SLC38A1: variants seen among roughly 807,000 people sequenced by gnomAD.
The protein encoded by SLC38A1 is sodium-coupled neutral amino acid symporter 1.
SLC38A1 carries 18 observed loss-of-function variants against 60.3 expected under a neutral mutation model. The ratio of observed to expected loss-of-function variants is 0.30; its 90% CI spans 0.21 to 0.44. The LOEUF (loss-of-function observed/expected upper bound fraction) is 0.44. Ranked by LOEUF, SLC38A1 falls within the 20% of genes least tolerant of loss-of-function variation. The probability of loss-of-function intolerance (pLI) is 1.00; values close to 1 mark genes in which losing one functional copy is unlikely to be tolerated. For missense variants in SLC38A1, 448 were observed against 587.2 expected, an observed-to-expected ratio of 0.76 and a Z score of 2.45; for synonymous variants, 196 against 212.1, an observed-to-expected ratio of 0.92 and a Z score of 0.66.
chr12:46,234,914 T>C (rs1941207065), intron 3 of SLC38A1, among the ~76,000 whole-genome samples: 1 of 152,162 alleles, frequency 6.6e-6, no homozygotes, highest in Non-Finnish European at 1.5e-5. Context: ...TGACTTTAAA[T>C]ATGCTATGGA....
At chr12:46,266,101 G>A (rs935597482) in intron 1 of SLC38A1, among the ~76,000 whole-genome samples, 1 of 152,138 alleles carries the variant, frequency 6.6e-6, no homozygotes, top group African/African-American at 2.4e-5. Flanking sequence ...GAACGGAAGG[G>A]ATGGCCAATA....
In SLC38A1 at chr12:46,197,982, A is replaced by G. The variant is rs377483452; in HGVS notation, c.1201T>C (p.Leu401=). Residue 401 remains leucine, a synonymous_variant, in exon 15 of 17, where the codon TTG becomes CTG. Transcript: ENST00000398637. Reference sequence around the variant, plus strand: ...ATCACCAACAAGTTGATAACAACCAAGAGTATGCAGGTAACCACGGTATGA... The same window carrying G: ...ATCACCAACAAGTTGATAACAACCAGGAGTATGCAGGTAACCACGGTATGA... ...CRHTVVTCIL[L]VVINLLVIFI... 5.0e-6 allele frequency: 8 copies of G among 1,613,956 alleles called. No individual in the cohort carries two copies. The African/African-American group carries it at 1.1e-4, about 22-fold the overall frequency.
At chr12:46,231,391 T>C (rs541002404) in intron 3 of SLC38A1, among the ~76,000 whole-genome samples, 1 of 152,336 alleles carries the variant, frequency 6.6e-6, no homozygotes, top group South Asian at 2.1e-4. Flanking sequence ...GTATTATATT[T>C]GTGTAACACA....
At chr12:46,215,782 G>A (rs1329841556) in intron 5 of SLC38A1, among the ~76,000 whole-genome samples, 1 of 152,130 alleles carries the variant, frequency 6.6e-6, no homozygotes, top group Non-Finnish European at 1.5e-5. Flanking sequence ...TCCTCTTCTA[G>A]ATCCAGTTAG....
intron 3 of SLC38A1, among the ~76,000 whole-genome samples, chr12:46,234,831 C>T (rs1941204713): frequency 6.6e-6 from 1 of 152,130 alleles, no homozygotes; most frequent in South Asian, 2.1e-4. Context: ...GCTGTCTCAC[C>T]ATTTAAAAGA....
At chr12:46,211,289 T>C (rs376515772) in intron 5 of SLC38A1, among the ~76,000 whole-genome samples, 3 of 152,192 alleles carry the variant, frequency 2.0e-5, no homozygotes, top group African/African-American at 7.2e-5. Context: ...GGAATGACTA[T>C]GTGCCCTGTT....
chr12:46,222,833 T>C (rs1940711282), intron 5 of SLC38A1, among the ~76,000 whole-genome samples: 1 of 152,144 alleles, frequency 6.6e-6, no homozygotes, highest in South Asian at 2.1e-4. Flanking sequence ...TTTCACAATA[T>C]ACTTTAAGCA....
intron 1 of SLC38A1, among the ~76,000 whole-genome samples, chr12:46,245,067 C>T (rs919173756): frequency 1.3e-5 from 2 of 152,146 alleles, no homozygotes; most frequent in Admixed American, 1.3e-4. Context: ...ATAAATATTT[C>T]AGCAAGAATC....
At chr12:46,219,558 TCTGTGGCCAGAGAA>T (rs1453917897) in intron 5 of SLC38A1, among the ~76,000 whole-genome samples, 1 of 152,170 alleles carries the variant, frequency 6.6e-6, no homozygotes, top group Non-Finnish European at 1.5e-5. Flanking sequence ...TAAGGTAAAG[TCTGTGGCCAGAGAA>T]CAAAGCAAAA....
chr12:46,205,309 T>G (rs1939844480), intron 9 of SLC38A1, among the ~76,000 whole-genome samples: 1 of 152,082 alleles, frequency 6.6e-6, no homozygotes, highest in Non-Finnish European at 1.5e-5. Context: ...AAAAATCTAT[T>G]TATAAACCTC....
chr12:46,210,872 T>G (rs1205942864), intron 5 of SLC38A1, among the ~76,000 whole-genome samples: 1 of 152,200 alleles, frequency 6.6e-6, no homozygotes, highest in Non-Finnish European at 1.5e-5. Flanking sequence ...AGGAATGTCT[T>G]TATCAGGAGC....
At chr12:46,228,698 T>C (rs1183951120) in intron 5 of SLC38A1, among the ~76,000 whole-genome samples, 1 of 152,230 alleles carries the variant, frequency 6.6e-6, no homozygotes, top group Non-Finnish European at 1.5e-5. Flanking sequence ...TAATTTCTCA[T>C]CTTCAAAACA....
At chr12:46,230,271 C>T (rs1276183354) in intron 3 of SLC38A1, among the ~76,000 whole-genome samples, 1 of 152,034 alleles carries the variant, frequency 6.6e-6, no homozygotes, top group Non-Finnish European at 1.5e-5. Flanking sequence ...TGGGGAGACA[C>T]GGGGGTAGGT....
chr12:46,240,060 A>G (rs1941394477), intron 2 of SLC38A1, among the ~76,000 whole-genome samples, 167 bp from the exon 3 acceptor site: 1 of 152,114 alleles, frequency 6.6e-6, no homozygotes, highest in Non-Finnish European at 1.5e-5. Flanking sequence ...AGGTGTATCT[A>G]AATTTTATGC....
At position 46,215,536 on chromosome 12, in the gene SLC38A1, T is replaced by C. The variant is rs546042081; in HGVS notation, c.315-6409A>G. On this transcript the variant is annotated intron_variant, in intron 5 of 16. Transcript: ENST00000398637. ...AAGTGATTCTCCTGCCTCTCCTGAGTAGCTGGGATTACAGGTGCATGCCAC... is the reference window on the plus strand; with the variant it reads ...AAGTGATTCTCCTGCCTCTCCTGAGCAGCTGGGATTACAGGTGCATGCCAC... Among the ~76,000 whole-genome samples the C allele has an allele frequency of 1.3e-4, 20 of 152,188 alleles. No homozygotes were observed. In the South Asian group the frequency reaches 4.2e-3, roughly 32 times the overall value.
intron 10 of SLC38A1, 49 bp from the exon 11 acceptor site, chr12:46,204,466 A>T: frequency 6.3e-7 from 1 of 1,591,144 alleles, no homozygotes; most frequent in Non-Finnish European, 8.6e-7. Context: ...AGTAAAGCCA[A>T]TGAATAATTA....
In SLC38A1 at chr12:46,266,751, T is replaced by C. The variant is rs149074919; in HGVS notation, c.-209+1775A>G. 1.0e-3 allele frequency among the ~76,000 whole-genome samples: 159 copies of C among 152,244 alleles called. No individual in the cohort carries two copies. In the East Asian group the frequency reaches 0.021, roughly 20 times the overall value. On this transcript the variant is annotated intron_variant, in intron 1 of 16. Coordinates refer to ENST00000398637, the MANE Select transcript of SLC38A1 (RefSeq NM_030674.4). ...TGCCAGTCGCACAGTAAGCCCTCTG[T>C]AGAAAATGTTTATTGGCCACATTTT...
intron 1 of SLC38A1, among the ~76,000 whole-genome samples, chr12:46,256,691 C>T (rs1942042364): frequency 6.6e-6 from 1 of 150,850 alleles, no homozygotes; most frequent in African/African-American, 2.4e-5. Flanking sequence ...GAAATTCTTA[C>T]CCTTTGGCCA....
At position 46,268,123 on chromosome 12, in the gene SLC38A1, C is replaced by A. The variant is rs977392636; in HGVS notation, c.-209+403G>T. Among the ~76,000 whole-genome samples, 5 of 152,164 alleles carry A rather than the reference C, an allele frequency of 3.3e-5. No individual in the cohort carries two copies. Among genetic ancestry groups the A allele is most frequent in the African/African-American group, 1.2e-4 (5 of 41,434 alleles). The stretch of plus-strand genomic sequence containing the variant: ...TCACCAAAGGCCGGGGATTCAAACA[C>A]TCCCAGAACACGGTCGCGCCCTCGG... On this transcript the variant is annotated intron_variant, in intron 1 of 16. Coordinates refer to ENST00000398637, the MANE Select transcript of SLC38A1 (RefSeq NM_030674.4). The surrounding 1 kb of genome is among the most constrained non-coding windows in gnomAD (Gnocchi z 4.4).
Sources: gnomAD v4.1 joint callset for allele counts (sites outside exome capture counted in the v4.1 genomes callset) on GRCh38, gnomAD v4.1.1 for gene constraint, Gnocchi (gnomAD v3.1) non-coding constraint, MANE v1.5 for transcripts, NCBI Gene and HGNC (gene_info 2026-07-23, HGNC 2026-07-21) for gene names.